Variants in VPS13C observed in about 807,000 individuals in gnomAD.
VPS13C encodes the protein intermembrane lipid transfer protein VPS13C.
A neutral mutation model predicts 456.8 loss-of-function variants in VPS13C; 358 were observed. The ratio of observed to expected loss-of-function variants is 0.78; its 90% CI spans 0.72 to 0.86. The LOEUF is 0.86. Among genes scored for constraint, VPS13C ranks in the 40% least tolerant of loss-of-function variants. VPS13C has a pLI of 0.00. For missense variants in VPS13C, 4,818 were observed against 4,385.4 expected, an observed-to-expected ratio of 1.10 and a Z score of -2.79; for synonymous variants, 1,578 against 1,486.7, an observed-to-expected ratio of 1.06 and a Z score of -1.41.
At chr15:61,914,157 T>C (rs1337530414) in intron 61 of VPS13C, among the ~76,000 whole-genome samples, 1 of 152,140 alleles carries the variant, frequency 6.6e-6, no homozygotes, top group Non-Finnish European at 1.5e-5. Flanking sequence ...CATGTGTTAA[T>C]CAACACTCAA....
chr15:61,952,169 T>C (rs918203449), intron 38 of VPS13C, among the ~76,000 whole-genome samples, 189 bp from the exon 39 acceptor site: 6 of 152,208 alleles, frequency 3.9e-5, no homozygotes, highest in Non-Finnish European at 8.8e-5. Context: ...GCCTTTCTTC[T>C]GAAAGTCTGT....
In VPS13C at chr15:61,961,718, T is replaced by A; in HGVS notation, c.3779A>T (p.Asn1260Ile). 1 of 1,614,046 alleles carries A rather than the reference T, an allele frequency of 6.2e-7. No individual in the cohort carries two copies. The highest frequency in any genetic ancestry group is 8.5e-7 in the Non-Finnish European group (1 of 1,179,960). Residue 1260 changes from asparagine (N) to isoleucine (I), a missense_variant, in exon 35 of 85, where the codon AAT (asparagine) becomes ATT (isoleucine). Around this residue, in one of 3 missense-constraint regions of VPS13C, gnomAD observed 4,552 missense variants for 4,130.6 expected, o/e 1.10. Coordinates refer to ENST00000644861, the MANE Select transcript of VPS13C (RefSeq NM_020821.3). Reference protein sequence around the residue: ...IVIPQSSISTNAVVVDLGLIR... With the variant: ...IVIPQSSISTIAVVVDLGLIR... The stretch of plus-strand genomic sequence containing the variant: ...TAACCCAAGATCTACCACTACTGCA[T>A]TGGTGGAAATAGAAGACTGTGGGAT...
chr15:61,955,473 G>C (rs146899802), intron 37 of VPS13C, among the ~76,000 whole-genome samples: 1 of 152,170 alleles, frequency 6.6e-6, no homozygotes, highest in African/African-American at 2.4e-5. Flanking sequence ...CAACACACAG[G>C]AACCATGTAG....
Position 61,959,607 on chromosome 15 carries a change from A to G in VPS13C, c.3909-12T>C. On this transcript the variant is annotated splice_polypyrimidine_tract_variant and intron_variant, in intron 35 of 84. Coordinates refer to ENST00000644861, the MANE Select transcript of VPS13C (RefSeq NM_020821.3). ...GCTGGATCACTGTCCTACGAAAAACAGAAATGTTACATAATGCATAGATAT... is the reference window on the plus strand; with the variant it reads ...GCTGGATCACTGTCCTACGAAAAACGGAAATGTTACATAATGCATAGATAT... 5 of 1,607,938 alleles carry G rather than the reference A, an allele frequency of 3.1e-6. No homozygotes were observed. Among genetic ancestry groups the G allele is most frequent in the Non-Finnish European group, 4.3e-6 (5 of 1,176,252 alleles).
intron 9 of VPS13C, among the ~76,000 whole-genome samples, chr15:62,017,469 G>A (rs2047298179): frequency 6.6e-6 from 1 of 152,118 alleles, no homozygotes; most frequent in Non-Finnish European, 1.5e-5. Context: ...TGTATAAGGT[G>A]TAAGGAAGGG....
intron 63 of VPS13C, among the ~76,000 whole-genome samples, chr15:61,910,936 T>TA (rs1275432506): frequency 4.0e-5 from 6 of 151,308 alleles, no homozygotes; most frequent in African/African-American, 1.5e-4. Context: ...ACACAAAGAT[T>TA]AAAAAAAAAT....
intron 63 of VPS13C, 117 bp downstream of exon 63, chr15:61,911,723 G>A: frequency 4.8e-6 from 5 of 1,040,590 alleles, no homozygotes; most frequent in East Asian, 3.0e-5. Context: ...AAAGCTGGCT[G>A]TCATATTTCA....
chr15:61,968,517 G>A (rs144697560), intron 28 of VPS13C, among the ~76,000 whole-genome samples: 257 of 152,122 alleles, frequency 1.7e-3, no homozygotes, highest in African/African-American at 5.6e-3. Context: ...ACCAAGGGAC[G>A]ACTGCATTTG....
In VPS13C at chr15:62,004,356, C is replaced by T. The variant is rs184994448; in HGVS notation, c.1290+2952G>A. On this transcript the variant is annotated intron_variant, in intron 15 of 84. Coordinates refer to ENST00000644861, the MANE Select transcript of VPS13C (RefSeq NM_020821.3). ...ATGGTAGTTTGTATTTCTGTGGGATCGGTGGTGATATCCCCTTTATCAATA... is the reference window on the plus strand; with the variant it reads ...ATGGTAGTTTGTATTTCTGTGGGATTGGTGGTGATATCCCCTTTATCAATA... 3.5e-3 allele frequency among the ~76,000 whole-genome samples: 528 copies of T among 151,988 alleles called. 4 individuals carry two copies. Among genetic ancestry groups the T allele is most frequent in the East Asian group, 0.033 (168 of 5,164 alleles).
chr15:61,880,957 A>G lies in VPS13C; in HGVS notation c.9777-3T>C. ...CCTGAATGAGGACCATAAAATACCT[A>G]AGAAAAAAAATTTAAAATGGAAAAG... On this transcript the variant is annotated splice_polypyrimidine_tract_variant and splice_region_variant and intron_variant, in intron 71 of 84. Transcript: ENST00000644861. 3 of 1,574,498 alleles carry G rather than the reference A, an allele frequency of 1.9e-6. No homozygotes were observed. The highest frequency in any genetic ancestry group is 2.6e-6 in the Non-Finnish European group (3 of 1,165,826).
At position 62,007,491 on chromosome 15, in the gene VPS13C, A is replaced by G; in HGVS notation, c.1119-12T>C. On this transcript the variant is annotated splice_polypyrimidine_tract_variant and intron_variant, in intron 14 of 84. Transcript: ENST00000644861. ...TTGCATATTTCCACCTGAAAATCAA[A>G]TTTTGTTAACGTAAATGTTAATATA... 2 of 1,553,940 alleles carry G rather than the reference A, an allele frequency of 1.3e-6. No homozygotes were observed. The highest frequency in any genetic ancestry group is 1.7e-6 in the Non-Finnish European group (2 of 1,152,540).
intron 18 of VPS13C, among the ~76,000 whole-genome samples, chr15:61,989,650 A>C (rs933538217): frequency 2.6e-5 from 4 of 152,230 alleles, no homozygotes; most frequent in Admixed American, 1.3e-4. Context: ...ACCAATACAT[A>C]CATAAAAAGT....
intron 28 of VPS13C, among the ~76,000 whole-genome samples, chr15:61,967,691 C>A (rs1326863724): frequency 6.6e-6 from 1 of 151,426 alleles, no homozygotes; most frequent in Non-Finnish European, 1.5e-5. Context: ...CAGGTGACTT[C>A]TAAAATTCTG....
intron 9 of VPS13C, among the ~76,000 whole-genome samples, chr15:62,016,191 G>A (rs902851825): frequency 6.6e-6 from 1 of 150,918 alleles, no homozygotes; most frequent in Non-Finnish European, 1.5e-5. Context: ...TCCTTATTGA[G>A]GCCCTCTCCA....
At chr15:61,928,298 G>A (rs2043936103) in intron 51 of VPS13C, among the ~76,000 whole-genome samples, 1 of 152,012 alleles carries the variant, frequency 6.6e-6, no homozygotes, top group African/African-American at 2.4e-5. Context: ...GGGGCAAGAA[G>A]GGGAAAACTG....
chr15:61,992,815 C>T (rs1200746756), intron 16 of VPS13C, among the ~76,000 whole-genome samples: 1 of 152,034 alleles, frequency 6.6e-6, no homozygotes, highest in South Asian at 2.1e-4. Context: ...AGCCAAAGCC[C>T]CACCACACAA....
Position 61,959,344 on chromosome 15 carries a change from T to C in VPS13C, c.4056+104A>G, listed in dbSNP as rs1409995068. 12 of 1,007,652 alleles carry C rather than the reference T, an allele frequency of 1.2e-5. No homozygotes were observed. The South Asian group carries it at 1.6e-4, about 14-fold the overall frequency. 62.4% of individuals were successfully genotyped at this position (1,007,652 alleles called of 1,614,324 possible). ...GACAAAGTCTCACTGAAATTTCTCT[T>C]ATACTATTCAGCAAAAGAGTCTACA... On this transcript the variant is annotated intron_variant, in intron 36 of 84. Transcript: ENST00000644861.
Position 61,878,765 on chromosome 15 carries a change from T to C in VPS13C, c.10003-19A>G. 6.3e-7 allele frequency: 1 copy of C among 1,592,404 alleles called. No individual in the cohort carries two copies. ...AATGCAACTAAAAGAAAAATAATGT[T>C]CAATAAATGAAAGCTAAAAGTGAAA... On this transcript the variant is annotated intron_variant, in intron 73 of 84. Coordinates refer to ENST00000644861, the MANE Select transcript of VPS13C (RefSeq NM_020821.3).
Position 61,973,502 on chromosome 15 carries a change from T to C in VPS13C, c.2569A>G (p.Thr857Ala), listed in dbSNP as rs2045616225. The C allele has an allele frequency of 1.9e-6, 3 of 1,612,762 alleles. No homozygotes were observed. Among genetic ancestry groups the C allele is most frequent in the Non-Finnish European group, 2.5e-6 (3 of 1,179,056 alleles). The change falls in exon 26 of 85, where the codon ACA (threonine) becomes GCA (alanine). Residue 857 changes from threonine to alanine, a missense_variant. Transcript: ENST00000644861. ...AGTGAAGTACCAAGTAGACCTTTTG[T>C]ACCACCTGAAATAATAGGAATTGAG... Reference protein sequence around the residue: ...VSSIPIISGGTKGLLGTSLLL... With the variant: ...VSSIPIISGGAKGLLGTSLLL...
Sources: allele counts gnomAD v4.1 joint callset (sites outside exome capture counted in the v4.1 genomes callset), GRCh38; gene constraint gnomAD v4.1.1; regional missense constraint gnomAD v4.1.1; transcripts MANE v1.5; gene names NCBI Gene and HGNC (gene_info 2026-07-23, HGNC 2026-07-21).